The following RPAP2 variants were observed in gnomAD, a reference collection of about 807,000 sequenced individuals.
The protein encoded by RPAP2 is RNA polymerase II associated protein 2, also known as putative RNA polymerase II subunit B1 CTD phosphatase RPAP2.
In RPAP2, 52 loss-of-function variants were observed where a neutral mutation model predicts 73.1. That is an observed-to-expected ratio of 0.71 (90% confidence interval 0.57 to 0.90). The LOEUF is 0.90. RPAP2 is among the 40% of genes least tolerant of loss of function. RPAP2 has a pLI of 0.00. For missense variants in RPAP2, 598 were observed against 701.8 expected, an observed-to-expected ratio of 0.85 and a Z score of 1.67; for synonymous variants, 225 against 242.1, an observed-to-expected ratio of 0.93 and a Z score of 0.65.
rs375184460 is a variant in RPAP2, at chr1:92,300,770, G to A, written c.119+531G>A. 3.9e-5 allele frequency among the ~76,000 whole-genome samples: 6 copies of A among 152,254 alleles called. No individual in the cohort carries two copies. The East Asian group carries it at 7.7e-4, about 20-fold the overall frequency. ...ACTCACTAATCTTATATTGGCTTTG[G>A]TCTTAATTTACTCATTCTTTCAAAA... On this transcript the variant is annotated intron_variant, in intron 2 of 12. Coordinates refer to ENST00000610020, the MANE Select transcript of RPAP2 (RefSeq NM_024813.3).
At chr1:92,355,097 T>C (rs1654399840) in intron 11 of RPAP2, among the ~76,000 whole-genome samples, 1 of 152,046 alleles carries the variant, frequency 6.6e-6, no homozygotes, top group Non-Finnish European at 1.5e-5. Context: ...GGGATAGGGT[T>C]TGACCACATT....
chr1:92,379,924 A>C (rs1328036648), intron 11 of RPAP2, among the ~76,000 whole-genome samples: 1 of 150,762 alleles, frequency 6.6e-6, no homozygotes, highest in Non-Finnish European at 1.5e-5. Flanking sequence ...GCAAGACTCC[A>C]TCTCAAAAAA....
In RPAP2 at chr1:92,380,782, T is replaced by C. The variant is rs989190917; in HGVS notation, c.1747T>C (p.Phe583Leu). Reference sequence around the variant, plus strand: ...TCAGGAAGGTATGGTGTTTACACGGTTTCTAGACACCCTCCTTGAAGAATT... The same window carrying C: ...TCAGGAAGGTATGGTGTTTACACGGCTTCTAGACACCCTCCTTGAAGAATT... The part of the protein sequence containing the change: ...HSQEGMVFTR[F>L]LDTLLEELHL... Residue 583 changes from phenylalanine (F) to leucine (L), a missense_variant, in exon 12 of 13, where the codon TTT becomes CTT. Around this residue, in one of 3 missense-constraint regions of RPAP2, gnomAD observed 506 missense variants for 612.8 expected, o/e 0.83. Transcript: ENST00000610020. The C allele has an allele frequency of 3.7e-6, 6 of 1,608,498 alleles. No individual in the cohort carries two copies. The highest frequency in any genetic ancestry group is 5.1e-6 in the Non-Finnish European group (6 of 1,177,990).
In RPAP2 at chr1:92,359,733, G is replaced by A. The variant is rs553399050; in HGVS notation, c.1688+13819G>A. 4.6e-5 allele frequency among the ~76,000 whole-genome samples: 7 copies of A among 152,362 alleles called. No individual in the cohort carries two copies. The South Asian group carries it at 1.4e-3, about 32-fold the overall frequency. The stretch of plus-strand genomic sequence containing the variant: ...GACAGGAGTTGAAAATGTGGAACTA[G>A]AGCTGAAGAATGGTGATGAAAATCA... On this transcript the variant is annotated intron_variant, in intron 11 of 12. Transcript: ENST00000610020.
intron 12 of RPAP2, among the ~76,000 whole-genome samples, chr1:92,384,824 C>T (rs1156525188): frequency 3.3e-5 from 5 of 151,956 alleles, no homozygotes; most frequent in Non-Finnish European, 7.4e-5. Context: ...CAATCATACT[C>T]CTCAGTCCAT....
At position 92,323,959 on chromosome 1, in the gene RPAP2, G is replaced by C; in HGVS notation, c.1039G>C (p.Val347Leu). The change falls in exon 8 of 13, where the codon GTG becomes CTG. Residue 347 changes from valine (V) to leucine (L), a missense_variant. Coordinates refer to ENST00000610020, the MANE Select transcript of RPAP2 (RefSeq NM_024813.3). ...FKRKFAKSNQ[V>L]SRSVSSSVQV... Reference sequence around the variant, plus strand: ...GAGAAAATTTGCCAAATCAAACCAAGTGTCTAGGTCAGTGTCTAGTTCAGT... The same window carrying C: ...GAGAAAATTTGCCAAATCAAACCAACTGTCTAGGTCAGTGTCTAGTTCAGT... 6.2e-7 allele frequency: 1 copy of C among 1,614,176 alleles called. No homozygotes were observed. The highest frequency in any genetic ancestry group is 8.5e-7 in the Non-Finnish European group (1 of 1,180,016).
intron 6 of RPAP2, among the ~76,000 whole-genome samples, chr1:92,317,516 A>C (rs565204029): frequency 2.6e-5 from 4 of 152,314 alleles, no homozygotes; most frequent in Non-Finnish European, 5.9e-5. Flanking sequence ...AAAAAAAATA[A>C]AAATAAAAAT....
At chr1:92,367,351 C>T (rs762508663) in intron 11 of RPAP2, among the ~76,000 whole-genome samples, 1 of 152,126 alleles carries the variant, frequency 6.6e-6, no homozygotes, top group Non-Finnish European at 1.5e-5. Context: ...ACGGCTTTTG[C>T]GTTTGTTTGA....
Position 92,324,267 on chromosome 1 carries a change from C to G in RPAP2, c.1347C>G (p.Tyr449Ter), listed in dbSNP as rs148437789. The G allele has an allele frequency of 1.2e-6, 2 of 1,613,850 alleles. No individual in the cohort carries two copies. Among genetic ancestry groups the G allele is most frequent in the Non-Finnish European group, 1.7e-6 (2 of 1,179,902 alleles). ...CAGCCATTAAACCACTGCCAAGTTACGAGAATTTGAAAAAAGAAACTGAAA... is the reference window on the plus strand; with the variant it reads ...CAGCCATTAAACCACTGCCAAGTTAGGAGAATTTGAAAAAAGAAACTGAAA... ...SGTAIKPLPSYENLKKETEKL... is the reference protein window; with the variant it reads ...SGTAIKPLPS The change falls in exon 8 of 13, where the codon TAC (tyrosine) becomes TAG (stop). Residue 449 changes from tyrosine to a stop codon, truncating the protein, a stop_gained. Coordinates refer to ENST00000610020, the MANE Select transcript of RPAP2 (RefSeq NM_024813.3). LOFTEE classifies it high-confidence loss of function.
chr1:92,324,268 G>A lies in RPAP2; in HGVS notation c.1348G>A (p.Glu450Lys), dbSNP rs1289624772. ...GTAIKPLPSY[E>K]NLKKETEKLN... The stretch of plus-strand genomic sequence containing the variant: ...AGCCATTAAACCACTGCCAAGTTAC[G>A]AGAATTTGAAAAAAGAAACTGAAAA... Residue 450 changes from glutamate to lysine, a missense_variant, in exon 8 of 13, where the codon GAG becomes AAG. Glu to Lys is a moderately conservative substitution (Grantham distance 56, BLOSUM62 1). This residue lies in a region of RPAP2 where 506 missense variants were observed against 612.8 expected (regional missense o/e 0.83). Coordinates refer to ENST00000610020, the MANE Select transcript of RPAP2 (RefSeq NM_024813.3). 3.7e-6 allele frequency: 6 copies of A among 1,613,766 alleles called. No individual in the cohort carries two copies. The highest frequency in any genetic ancestry group is 1.7e-5 in the Admixed American group (1 of 59,992).
At chr1:92,311,118 G>T (rs1651571352) in intron 6 of RPAP2, among the ~76,000 whole-genome samples, 1 of 152,056 alleles carries the variant, frequency 6.6e-6, no homozygotes, top group Non-Finnish European at 1.5e-5. Context: ...TAATTGATTG[G>T]TCCTGATCTG....
intron 6 of RPAP2, among the ~76,000 whole-genome samples, chr1:92,309,402 A>T (rs554194646): frequency 6.6e-6 from 1 of 150,664 alleles, no homozygotes; most frequent in Non-Finnish European, 1.5e-5. Context: ...AGATCGTGCC[A>T]CTGCACTCCA....
chr1:92,333,413 T>A lies in RPAP2; in HGVS notation c.1478T>A (p.Ile493Lys). The A allele has an allele frequency of 6.2e-7, 1 of 1,613,572 alleles. No individual in the cohort carries two copies. The highest frequency in any genetic ancestry group is 1.1e-5 in the South Asian group (1 of 91,062). ...CAGCATGATTCCACCTTTCCACTGA[T>A]AGACTCAAGTTCCCAGAACCAGATT... is the stretch of plus-strand genomic sequence containing the variant. ...SEEHDSTFPLIDSSSQNQIRK... is the reference protein window; with the variant it reads ...SEEHDSTFPLKDSSSQNQIRK... The change falls in exon 9 of 13, where the codon ATA (isoleucine) becomes AAA (lysine). Residue 493 changes from isoleucine to lysine, a missense_variant. This residue lies in a region of RPAP2 where 506 missense variants were observed against 612.8 expected (regional missense o/e 0.83). Coordinates refer to ENST00000610020, the MANE Select transcript of RPAP2 (RefSeq NM_024813.3).
intron 11 of RPAP2, among the ~76,000 whole-genome samples, chr1:92,375,698 G>T (rs1479365420): frequency 6.6e-6 from 1 of 152,152 alleles, no homozygotes; most frequent in Non-Finnish European, 1.5e-5. Context: ...GGGTGTGGTA[G>T]CGGACGCCTA....
At chr1:92,372,437 C>T (rs1655194032) in intron 11 of RPAP2, among the ~76,000 whole-genome samples, 1 of 152,086 alleles carries the variant, frequency 6.6e-6, no homozygotes, top group South Asian at 2.1e-4. Flanking sequence ...AATTCCAGGA[C>T]AAATGGAAGT....
At chr1:92,373,840 A>G (rs1329384127) in intron 11 of RPAP2, among the ~76,000 whole-genome samples, 1 of 149,500 alleles carries the variant, frequency 6.7e-6, no homozygotes, top group East Asian at 2.0e-4. Flanking sequence ...AACTGCTTGA[A>G]CCCAGGAGGC....
chr1:92,329,306 T>G (rs754855334), intron 8 of RPAP2, among the ~76,000 whole-genome samples: 9 of 152,104 alleles, frequency 5.9e-5, no homozygotes, highest in Non-Finnish European at 1.2e-4. Flanking sequence ...CCCAGGCCAA[T>G]GGAGTTATGT....
intron 3 of RPAP2, among the ~76,000 whole-genome samples, chr1:92,303,557 G>T (rs150686345): frequency 6.6e-6 from 1 of 152,144 alleles, no homozygotes; most frequent in African/African-American, 2.4e-5. Context: ...TGTTTTTAAA[G>T]ATTATGCTTT....
intron 11 of RPAP2, among the ~76,000 whole-genome samples, chr1:92,371,889 C>CA (rs1164408246): frequency 0.57 from 52,442 of 91,834 alleles, 13,820 homozygotes; most frequent in East Asian, 0.91. Context: ...GACCCTGTCT[C>CA]AAAAAAAAAA....
Sources: gnomAD v4.1 joint callset for allele counts (sites outside exome capture counted in the v4.1 genomes callset) on GRCh38, gnomAD v4.1.1 for gene constraint, gnomAD v4.1.1 regional missense constraint, MANE v1.5 for transcripts, NCBI Gene and HGNC (gene_info 2026-07-23, HGNC 2026-07-21) for gene names.